The following LTN1 variants were observed in gnomAD, a reference collection of about 807,000 sequenced individuals.
LTN1 encodes the protein E3 ubiquitin-protein ligase listerin.
LTN1 carries 88 observed loss-of-function variants against 201.2 expected under a neutral mutation model. That is an observed-to-expected ratio of 0.44 (90% CI 0.37 to 0.52). The LOEUF (loss-of-function observed/expected upper bound fraction) is 0.52, where lower values mean the gene tolerates loss of function less well. Ranked by LOEUF, LTN1 falls within the 20% of genes least tolerant of loss-of-function variation. The probability of loss-of-function intolerance (pLI) is 0.00; values close to 1 mark genes in which losing one functional copy is unlikely to be tolerated. For synonymous variants in LTN1, 645 were observed against 713.5 expected (o/e 0.90, Z 1.53); for missense variants, 1,752 against 2,038.7 (o/e 0.86, Z 2.71).
intron 9 of LTN1, among the ~76,000 whole-genome samples, chr21:28,968,963 G>T (rs1235348957): frequency 6.6e-6 from 1 of 150,454 alleles, no homozygotes; most frequent in Non-Finnish European, 1.5e-5. Context: ...GCTCACACCT[G>T]TAATCCCAGC....
At chr21:28,960,451 T>C (rs982096074) in intron 12 of LTN1, 66 bp downstream of exon 12, 38 of 1,284,670 alleles carry the variant, frequency 3.0e-5, no homozygotes, top group Middle Eastern at 1.9e-4. Flanking sequence ...CTGAGCCCCA[T>C]GCAATCCCCC....
At position 28,928,524 on chromosome 21, in the gene LTN1, TTTAG is replaced by T. The variant is rs1446854503; in HGVS notation, c.*1920_*1923del. 2 of 152,188 alleles carry T rather than the reference TTTAG, an allele frequency of 1.3e-5. No individual in the cohort carries two copies. Among genetic ancestry groups the T allele is most frequent in the African/African-American group, 4.8e-5 (2 of 41,460 alleles). 9.4% of individuals were successfully genotyped at this position (152,188 alleles called of 1,614,324 possible). On this transcript the variant is annotated 3_prime_UTR_variant, in exon 30 of 30. Coordinates refer to ENST00000361371, the MANE Select transcript of LTN1 (RefSeq NM_015565.3). ...CTAAAATTTTAAGGGCTGTAATCCT[TTTAG>T]TTAGAGTTGTCAACGCTGTACAGAT...
chr21:28,954,737 G>A (rs1191701278), intron 16 of LTN1, among the ~76,000 whole-genome samples: 1 of 152,146 alleles, frequency 6.6e-6, no homozygotes, highest in East Asian at 1.9e-4. Context: ...ATATTCATAT[G>A]TAGAAAAGTG....
At chr21:28,958,764 T>C (rs2084448644) in intron 13 of LTN1, among the ~76,000 whole-genome samples, 1 of 152,140 alleles carries the variant, frequency 6.6e-6, no homozygotes, top group South Asian at 2.1e-4. Context: ...ATGGTAAGAT[T>C]TTTAAAGTTA....
intron 16 of LTN1, among the ~76,000 whole-genome samples, chr21:28,955,993 T>C (rs2084422402): frequency 6.8e-6 from 1 of 146,184 alleles, no homozygotes; most frequent in Non-Finnish European, 1.5e-5. Flanking sequence ...CTGGACATCA[T>C]CATGCTAAAT....
intron 18 of LTN1, among the ~76,000 whole-genome samples, chr21:28,949,388 C>T (rs1432981962): frequency 6.6e-6 from 1 of 152,084 alleles, no homozygotes; most frequent in East Asian, 1.9e-4. Context: ...AATGTATTAG[C>T]CATTTTAAAG....
chr21:28,937,800 T>C (rs1423644991), intron 25 of LTN1, among the ~76,000 whole-genome samples: 1 of 152,066 alleles, frequency 6.6e-6, no homozygotes, highest in East Asian at 1.9e-4. Flanking sequence ...AACAAAAATA[T>C]TCCAGAATCT....
At chr21:28,991,896 T>C (rs2084749273) in intron 1 of LTN1, among the ~76,000 whole-genome samples, 1 of 152,170 alleles carries the variant, frequency 6.6e-6, no homozygotes, top group Non-Finnish European at 1.5e-5. Flanking sequence ...AAAAATACCA[T>C]TACAAAACCC....
In LTN1 at chr21:28,941,315, T is replaced by A; in HGVS notation, c.4387A>T (p.Thr1463Ser). 6.2e-7 allele frequency: 1 copy of A among 1,612,970 alleles called. No homozygotes were observed. Among genetic ancestry groups the A allele is most frequent in the Non-Finnish European group, 8.5e-7 (1 of 1,179,128 alleles). The change falls in exon 25 of 30, where the codon ACT (threonine) becomes TCT (serine). Residue 1463 changes from threonine (T) to serine (S), a missense_variant. By Grantham distance (58) the Thr-to-Ser change is moderately conservative. Transcript: ENST00000361371. ...LGCIPVGQIV[T>S]IKPLSEDFCY... ...AAGTCTTCACTCAGTGGTTTAATAG[T>A]AACTATCTGTCCAACAGGAATACAC...
intron 7 of LTN1, 65 bp from the exon 8 acceptor site, chr21:28,970,807 G>A (rs1283598363): frequency 4.0e-6 from 5 of 1,254,158 alleles, no homozygotes; most frequent in East Asian, 2.5e-5. Context: ...AATTAAAAGA[G>A]AAAACATATA....
chr21:28,955,707 G>A (rs907722077), intron 16 of LTN1, among the ~76,000 whole-genome samples: 1 of 151,830 alleles, frequency 6.6e-6, no homozygotes, highest in Non-Finnish European at 1.5e-5. Flanking sequence ...GGCGGATCAC[G>A]AGGTCAGGAG....
chr21:28,989,814 A>G (rs1360817178), intron 1 of LTN1, among the ~76,000 whole-genome samples: 3 of 152,136 alleles, frequency 2.0e-5, no homozygotes, highest in African/African-American at 7.2e-5. Flanking sequence ...CAAGAGTTTG[A>G]GACCAGCCTA....
At chr21:28,957,822 T>C (rs2084438992) in intron 14 of LTN1, among the ~76,000 whole-genome samples, 2 of 152,214 alleles carry the variant, frequency 1.3e-5, no homozygotes, top group Admixed American at 1.3e-4. Flanking sequence ...TCTCTTCTCC[T>C]TTATTATATG....
In LTN1 at chr21:28,953,125, C is replaced by T. The variant is rs189370471; in HGVS notation, c.3239+92G>A. On this transcript the variant is annotated intron_variant, in intron 17 of 29. Transcript: ENST00000361371. ...ATTTAGATCAATCCTCTGACTGAAA[C>T]ATTAGCATGCAGTAGGGTTACCTCT... is the stretch of plus-strand genomic sequence containing the variant. 4.1e-5 allele frequency: 32 copies of T among 775,396 alleles called. No individual in the cohort carries two copies. In the Admixed American group the frequency reaches 6.1e-4, roughly 15 times the overall value. The allele number at this position is 775,396 out of a possible 1,614,324, so 48.0% of individuals were successfully genotyped here.
chr21:28,968,146 G>C (rs2084542167), intron 9 of LTN1, among the ~76,000 whole-genome samples: 1 of 152,096 alleles, frequency 6.6e-6, no homozygotes, highest in Admixed American at 6.5e-5. Context: ...TTAACCTAAA[G>C]ATCCCTTTCA....
intron 11 of LTN1, among the ~76,000 whole-genome samples, chr21:28,964,204 T>A (rs1601193468): frequency 6.6e-6 from 1 of 152,334 alleles, no homozygotes; most frequent in South Asian, 2.1e-4. Context: ...TCAAACAGCA[T>A]CATATGCTAC....
chr21:28,955,305 A>C (rs2146283720), intron 16 of LTN1, among the ~76,000 whole-genome samples: 1 of 152,222 alleles, frequency 6.6e-6, no homozygotes, highest in African/African-American at 2.4e-5. Flanking sequence ...ATCTCTAAAA[A>C]AACAAAGACA....
intron 6 of LTN1, among the ~76,000 whole-genome samples, chr21:28,974,663 C>T (rs564303483): frequency 3.9e-5 from 6 of 152,182 alleles, no homozygotes; most frequent in South Asian, 4.2e-4. Flanking sequence ...CAGGATAATG[C>T]GGGATGACGC....
rs781339705 is a variant in LTN1, at chr21:28,935,271, T to C, written c.4713A>G (p.Thr1571=). 1.5e-5 allele frequency: 25 copies of C among 1,614,050 alleles called. No individual in the cohort carries two copies. Among genetic ancestry groups the C allele is most frequent in the Non-Finnish European group, 8.5e-7 (1 of 1,180,000 alleles). The change falls in exon 27 of 30, where the codon ACA becomes ACG. Residue 1571 remains threonine, a synonymous_variant. Transcript: ENST00000361371. ...PHLACSVYHM[T]LKDLPAMVRL... ...TAACCATGGCAGGCAAGTCTTTTAA[T>C]GTCATATGATAGACTGAACAAGCCA...
Sources: gnomAD v4.1 joint callset for allele counts (sites outside exome capture counted in the v4.1 genomes callset) on GRCh38, gnomAD v4.1.1 for gene constraint, MANE v1.5 for transcripts, NCBI Gene and HGNC (gene_info 2026-07-23, HGNC 2026-07-21) for gene names.